IL2RB: variants seen among roughly 807,000 people sequenced by gnomAD.
IL2RB encodes the protein interleukin 2 receptor subunit beta.
IL2RB carries 17 observed loss-of-function variants against 44.2 expected under a neutral mutation model. That is an observed-to-expected ratio of 0.38 (90% CI 0.26 to 0.58). The LOEUF is 0.58. Ranked by LOEUF, IL2RB falls within the 20% of genes least tolerant of loss-of-function variation. The pLI, the probability that IL2RB is intolerant of heterozygous loss-of-function variation, is 0.63. For synonymous variants in IL2RB, 286 were observed against 297.9 expected, an observed-to-expected ratio of 0.96 and a Z score of 0.41; for missense variants, 624 against 685.5, an observed-to-expected ratio of 0.91 and a Z score of 1.00.
At chr22:37,137,904 T>C (rs1345771286) in intron 5 of IL2RB, among the ~76,000 whole-genome samples, 169 bp from the exon 6 acceptor site, 1 of 151,730 alleles carries the variant, frequency 6.6e-6, no homozygotes, top group Non-Finnish European at 1.5e-5. Flanking sequence ...TGATCACCTC[T>C]TGAGAGAAGC....
At position 37,139,097 on chromosome 22, in the gene IL2RB, A is replaced by T. The variant is rs564926447; in HGVS notation, c.388+20T>A. ...AGGTGCCCAGCCCTGCCCCAGCCCC[A>T]CCCTGGCTTCCTCACTCACGGTTCT... On this transcript the variant is annotated intron_variant, in intron 5 of 9. Coordinates refer to ENST00000216223, the MANE Select transcript of IL2RB (RefSeq NM_000878.5). 1 of 1,530,560 alleles carries T rather than the reference A, an allele frequency of 6.5e-7. No individual in the cohort carries two copies. Among genetic ancestry groups the T allele is most frequent in the Non-Finnish European group, 9.1e-7 (1 of 1,103,950 alleles). 94.8% of individuals were successfully genotyped at this position (1,530,560 alleles called of 1,614,324 possible).
intron 1 of IL2RB, among the ~76,000 whole-genome samples, chr22:37,161,485 G>A (rs1000694655): frequency 1.3e-5 from 2 of 152,194 alleles, no homozygotes; most frequent in Non-Finnish European, 2.9e-5. Flanking sequence ...ACATAGGCAT[G>A]TGACCAGGCT....
rs748309368 is a variant in IL2RB, at chr22:37,128,451, A to G, written c.1301T>C (p.Leu434Pro). The G allele has an allele frequency of 6.4e-7, 1 of 1,556,882 alleles. No individual in the cohort carries two copies. Among genetic ancestry groups the G allele is most frequent in the Admixed American group, 1.8e-5 (1 of 54,324 alleles). ...RDDLLLFSPS[L>P]LGGPSPPSTA... Reference sequence around the variant, plus strand: ...GCTTGGGGGGCTGGGGCCACCGAGGAGACTGGGGGAGAAGAGCAGCAGGTC... The same window carrying G: ...GCTTGGGGGGCTGGGGCCACCGAGGGGACTGGGGGAGAAGAGCAGCAGGTC... Residue 434 changes from leucine (L) to proline (P), a missense_variant, in exon 10 of 10, where the codon CTC (leucine) becomes CCC (proline). By Grantham distance (98) the Leu-to-Pro change is moderately conservative (BLOSUM62 -3). This residue lies in a region of IL2RB where 291 missense variants were observed against 275.5 expected (regional missense o/e 1.06). Transcript: ENST00000216223. The surrounding 1 kb of genome is among the most constrained non-coding windows in gnomAD (Gnocchi z 4.5).
At chr22:37,155,754 C>A (rs1922657794) in intron 1 of IL2RB, among the ~76,000 whole-genome samples, 1 of 27,392 alleles carries the variant, frequency 3.7e-5, no homozygotes, top group African/African-American at 1.8e-4. Flanking sequence ...GGGGTTTGGA[C>A]CCAGCCTCCT....
intron 1 of IL2RB, among the ~76,000 whole-genome samples, chr22:37,148,406 G>A (rs1922332268): frequency 6.6e-6 from 1 of 152,134 alleles, no homozygotes; most frequent in Non-Finnish European, 1.5e-5. Flanking sequence ...AGGACCTCGA[G>A]TTTGAGCACC....
rs148979975 is a variant in IL2RB, at chr22:37,141,025, C to T, written c.282+1409G>A. ...TAAAACTCTGGCTGCAGCCGGGAGG[C>T]GTAGCTGGGGTCTCCTGCTCCACGG... On this transcript the variant is annotated intron_variant, in intron 4 of 9. Transcript: ENST00000216223. This position sits in a 1 kb window ranked among gnomAD's most constrained non-coding sequence, Gnocchi z 4.4. 1.0e-3 allele frequency among the ~76,000 whole-genome samples: 155 copies of T among 152,268 alleles called. No homozygotes were observed. The highest frequency in any genetic ancestry group is 2.5e-3 in the Admixed American group (38 of 15,300).
At chr22:37,152,573 C>T (rs1922532014), upstream of IL2RB, among the ~76,000 whole-genome samples, 1 of 152,096 alleles carries the variant, frequency 6.6e-6, no homozygotes, top group African/African-American at 2.4e-5. Flanking sequence ...TTTCTCTTGT[C>T]TGTTTGTTCT....
intron 1 of IL2RB, among the ~76,000 whole-genome samples, chr22:37,164,405 T>C (rs1293458811): frequency 6.7e-6 from 1 of 149,720 alleles, no homozygotes; most frequent in Non-Finnish European, 1.5e-5. Flanking sequence ...CCAGAGGTGC[T>C]GCTGACACTC....
chr22:37,170,067 GGATGGGGGAGA>G (rs1923223340), intron 1 of IL2RB, among the ~76,000 whole-genome samples: 2 of 144,700 alleles, frequency 1.4e-5, no homozygotes, highest in South Asian at 2.1e-4. Context: ...AAGGAAGGAA[GGATGGGGGAGA>G]AGGAAGGAAG....
At chr22:37,135,703 C>T (rs1921654733) in intron 7 of IL2RB, among the ~76,000 whole-genome samples, 1 of 152,010 alleles carries the variant, frequency 6.6e-6, no homozygotes, top group Admixed American at 6.5e-5. Context: ...AGCCCCCCAC[C>T]ACCCCCACAG....
intron 9 of IL2RB, among the ~76,000 whole-genome samples, chr22:37,131,644 CA>C (rs1313918982): frequency 6.6e-6 from 1 of 152,100 alleles, no homozygotes; most frequent in Non-Finnish European, 1.5e-5. Flanking sequence ...AGGAGAAGCA[CA>C]GAGCATGTCT....
chr22:37,160,147 C>A (rs1490858444), intron 1 of IL2RB, among the ~76,000 whole-genome samples: 1 of 152,214 alleles, frequency 6.6e-6, no homozygotes, highest in Non-Finnish European at 1.5e-5. Flanking sequence ...CCAGGCACAC[C>A]CTTACTGATT....
Position 37,142,414 on chromosome 22 carries a change from T to C in IL2RB, c.282+20A>G. On this transcript the variant is annotated intron_variant, in intron 4 of 9. Coordinates refer to ENST00000216223, the MANE Select transcript of IL2RB (RefSeq NM_000878.5). ...GAGACCACCCTCTCCCTGCACTCTC[T>C]CCCTGGGTGGGCTACTCACATCTGG... 1 of 1,611,120 alleles carries C rather than the reference T, an allele frequency of 6.2e-7. No homozygotes were observed. Among genetic ancestry groups the C allele is most frequent in the South Asian group, 1.1e-5 (1 of 91,016 alleles).
At chr22:37,168,727 G>A (rs115788013) in intron 1 of IL2RB, among the ~76,000 whole-genome samples, 2 of 152,186 alleles carry the variant, frequency 1.3e-5, no homozygotes, top group African/African-American at 4.8e-5. Context: ...GAGAGAAAGG[G>A]CCCAAGACAG....
rs1197750723 is a variant in IL2RB at position 37,127,928 on chromosome 22, A to C, written c.*168T>G. Reference sequence around the variant, plus strand: ...CCGGGAGCAGCAGTGGAGGTTTGGAAATGGATGGACCAAGTGTGCAGGACT... The same window carrying C: ...CCGGGAGCAGCAGTGGAGGTTTGGACATGGATGGACCAAGTGTGCAGGACT... On this transcript the variant is annotated 3_prime_UTR_variant, in exon 10 of 10. Coordinates refer to ENST00000216223, the MANE Select transcript of IL2RB (RefSeq NM_000878.5). 2.1e-6 allele frequency: 1 copy of C among 466,950 alleles called. No homozygotes were observed. The highest frequency in any genetic ancestry group is 2.0e-5 in the African/African-American group (1 of 49,592). The allele number at this position is 466,950 out of a possible 1,614,324, so 28.9% of individuals were successfully genotyped here. A position where few individuals can be genotyped will look rare whatever the true frequency, so the allele number is the denominator to read the frequency against.
chr22:37,140,253 T>C (rs1921896454), intron 4 of IL2RB, among the ~76,000 whole-genome samples: 1 of 151,798 alleles, frequency 6.6e-6, no homozygotes, highest in South Asian at 2.1e-4. Context: ...ATAGCTGCTA[T>C]GGGGGCTAGA....
At chr22:37,174,422 C>T (rs942637236) in intron 1 of IL2RB, among the ~76,000 whole-genome samples, 7 of 152,150 alleles carry the variant, frequency 4.6e-5, no homozygotes, top group African/African-American at 1.7e-4. Context: ...AGCTGGGGAA[C>T]CGTATATGTG....
Position 37,173,223 on chromosome 22 carries a change from ACTTCTCCCTCCCAAATTTG to A in IL2RB, c.-34+1716_-34+1734del, listed in dbSNP as rs1412157524. On this transcript the variant is annotated intron_variant, in intron 1 of 5. Coordinates refer to the IL2RB transcript ENST00000429622. ...TTCCTCAGAGAGGCCTTCCCTGACC[ACTTCTCCCTCCCAAATTTG>A]CTTCTCCCTTGCCAGCACTTACCCC... is the stretch of plus-strand genomic sequence containing the variant. 2.6e-5 allele frequency among the ~76,000 whole-genome samples: 4 copies of A among 152,004 alleles called. 1 individual carries two copies. The highest frequency in any genetic ancestry group is 9.6e-5 in the African/African-American group (4 of 41,466).
intron 8 of IL2RB, among the ~76,000 whole-genome samples, chr22:37,132,923 T>C (rs888608245): frequency 1.3e-5 from 2 of 152,186 alleles, no homozygotes; most frequent in African/African-American, 4.8e-5. Context: ...GGTTGTACAC[T>C]GCCCAAGGGC....
Sources: allele counts gnomAD v4.1 joint callset (sites outside exome capture counted in the v4.1 genomes callset), GRCh38; gene constraint gnomAD v4.1.1; regional missense constraint gnomAD v4.1.1; non-coding constraint Gnocchi (gnomAD v3.1); transcripts MANE v1.5; gene names NCBI Gene and HGNC (gene_info 2026-07-23, HGNC 2026-07-21).